Variants in TEAD2 observed in about 807,000 individuals in gnomAD.
TEAD2 encodes the protein transcriptional enhancer factor TEF-4.
In TEAD2, 51 loss-of-function variants were observed where a neutral mutation model predicts 61.4. The observed-to-expected ratio is 0.83, with a 90% confidence interval of 0.66 to 1.05. The LOEUF (loss-of-function observed/expected upper bound fraction) is 1.05. Among genes scored for constraint, TEAD2 ranks in the 50% least tolerant of loss-of-function variants. TEAD2 has a pLI of 0.00. For missense variants in TEAD2, 509 were observed against 600.0 expected (o/e 0.85, Z 1.58); for synonymous variants, 244 against 243.2 (o/e 1.00, Z -0.03).
In TEAD2 at chr19:49,342,580, G is replaced by T; in HGVS notation, c.1100C>A (p.Ala367Asp). 1 of 1,612,704 alleles carries T rather than the reference G, an allele frequency of 6.2e-7. No homozygotes were observed. Among genetic ancestry groups the T allele is most frequent in the South Asian group, 1.1e-5 (1 of 91,048 alleles). ...QVVEKVETERAQLEDGRFVYR... is the reference protein window; with the variant it reads ...QVVEKVETERDQLEDGRFVYR... ...CACAAATCTGCCGTCCTCCAGCTGG[G>T]CCCGTTCCGTCTGAACCAAGGGGAA... The change falls in exon 12 of 13, where the codon GCC (alanine) becomes GAC (aspartate). Residue 367 changes from alanine (A) to aspartate (D), a missense_variant. Transcript: ENST00000593945.
intron 10 of TEAD2, among the ~76,000 whole-genome samples, chr19:49,345,956 G>T (rs1208634152): frequency 6.6e-6 from 1 of 151,880 alleles, no homozygotes; most frequent in Non-Finnish European, 1.5e-5. Context: ...CATGAGGTCA[G>T]GAGTTCAAGA....
At chr19:49,349,614 G>A (rs1239775452) in intron 8 of TEAD2, among the ~76,000 whole-genome samples, 1 of 152,104 alleles carries the variant, frequency 6.6e-6, no homozygotes. Context: ...TGAGCTGGCT[G>A]TTTAAAGGAG....
At chr19:49,361,553 C>G (rs1166392361) in intron 1 of TEAD2, 1 of 152,252 alleles carries the variant, frequency 6.6e-6, no homozygotes. Flanking sequence ...CAACCCCCAT[C>G]AGGGGAGGGG....
chr19:49,347,076 G>T (rs1470246921), intron 10 of TEAD2, 114 bp downstream of exon 10: 2 of 1,377,768 alleles, frequency 1.5e-6, no homozygotes, highest in Non-Finnish European at 2.0e-6. Flanking sequence ...AGGACTGACT[G>T]GTAAGTCCCA....
Position 49,359,162 on chromosome 19 carries a change from C to T in TEAD2, c.297+273G>A, listed in dbSNP as rs1232647495. Reference sequence around the variant, plus strand: ...CTGAGACAGGAGAATTGCTTGAACCCGGGAGGCAGAGGTTGCAGTGAGCCA... The same window carrying T: ...CTGAGACAGGAGAATTGCTTGAACCTGGGAGGCAGAGGTTGCAGTGAGCCA... On this transcript the variant is annotated intron_variant, in intron 3 of 12. Transcript: ENST00000593945. The surrounding 1 kb of genome is among the most constrained non-coding windows in gnomAD (Gnocchi z 4.1). 2 of 382,736 alleles carry T rather than the reference C, an allele frequency of 5.2e-6. No homozygotes were observed. The highest frequency in any genetic ancestry group is 2.1e-5 in the African/African-American group (1 of 48,548). The allele number at this position is 382,736 out of a possible 1,614,324, so 23.7% of individuals were successfully genotyped here.
chr19:49,349,936 C>CA (rs146843928), intron 8 of TEAD2, among the ~76,000 whole-genome samples: 2,644 of 152,304 alleles, frequency 0.017, 73 homozygotes, highest in African/African-American at 0.054. Flanking sequence ...GCTAAGCCCA[C>CA]ACGGGAACAG....
Position 49,359,026 on chromosome 19 carries a change from G to A in TEAD2, c.297+409C>T, listed in dbSNP as rs1478688008. On this transcript the variant is annotated intron_variant, in intron 3 of 12. Coordinates refer to ENST00000593945, the MANE Select transcript of TEAD2 (RefSeq NM_001256660.2). This position sits in a 1 kb window ranked among gnomAD's most constrained non-coding sequence, Gnocchi z 4.1. ...GGCTGAGGTGAGTGGATCACCTGAG[G>A]TCAGGAGTTCGAGACCAGCCTGGAC... Among the ~76,000 whole-genome samples, 2 of 151,836 alleles carry A rather than the reference G, an allele frequency of 1.3e-5. No individual in the cohort carries two copies. Among genetic ancestry groups the A allele is most frequent in the South Asian group, 2.1e-4 (1 of 4,776 alleles).
intron 10 of TEAD2, among the ~76,000 whole-genome samples, chr19:49,346,185 AC>A (rs372594502): frequency 0.18 from 26,667 of 146,558 alleles, 3,007 homozygotes; most frequent in Non-Finnish European, 0.24. Flanking sequence ...AAAAAAAAAA[AC>A]AATAAAAGAA....
At chr19:49,349,086 A>G in intron 8 of TEAD2, 2 of 406,982 alleles carry the variant, frequency 4.9e-6, no homozygotes, top group Non-Finnish European at 8.5e-6. Flanking sequence ...GAACTTTGGG[A>G]GGAGAAAGCT....
At chr19:49,345,582 G>A (rs1971577300) in intron 10 of TEAD2, among the ~76,000 whole-genome samples, 1 of 152,076 alleles carries the variant, frequency 6.6e-6, no homozygotes, top group African/African-American at 2.4e-5. Context: ...TCAAACTCTT[G>A]AACACAAGCG....
rs987939104 is a variant in TEAD2, at chr19:49,341,608, C to T, written c.1243-171G>A. On this transcript the variant is annotated intron_variant, in intron 12 of 12. Transcript: ENST00000593945. This position sits in a 1 kb window ranked among gnomAD's most constrained non-coding sequence, Gnocchi z 4.2. Reference sequence around the variant, plus strand: ...GAAAGGGATGCCCAAAAGTCAGTTCCCTGGGCAATGGGGGTTACCCCTCAG... The same window carrying T: ...GAAAGGGATGCCCAAAAGTCAGTTCTCTGGGCAATGGGGGTTACCCCTCAG... 5.3e-5 allele frequency among the ~76,000 whole-genome samples: 8 copies of T among 152,138 alleles called. No homozygotes were observed. Among genetic ancestry groups the T allele is most frequent in the African/African-American group, 1.9e-4 (8 of 41,422 alleles).
At chr19:49,343,117 A>C (rs1321710627) in intron 11 of TEAD2, 114 bp downstream of exon 11, 13 of 1,282,414 alleles carry the variant, frequency 1.0e-5, no homozygotes, top group Non-Finnish European at 1.4e-5. Context: ...AAACCCTCAA[A>C]GAGGCTGGGA....
At position 49,343,364 on chromosome 19, in the gene TEAD2, G is replaced by T. The variant is rs1459572503; in HGVS notation, c.956C>A (p.Ala319Glu). ...ACTGCTGATGCTGCCACCGGCCCCT[G>T]CCTCCTCACCACTTGGGCCCCAGTT... ...DLNWGPSGEE[A>E]GAGGSISSGG... Residue 319 changes from alanine to glutamate, a missense_variant, in exon 11 of 13, where the codon GCA becomes GAA. Physicochemically the swap from Ala to Glu is moderately radical, Grantham distance 107 (BLOSUM62 -1). Coordinates refer to ENST00000593945, the MANE Select transcript of TEAD2 (RefSeq NM_001256660.2). 1 of 1,612,390 alleles carries T rather than the reference G, an allele frequency of 6.2e-7. No individual in the cohort carries two copies. The highest frequency in any genetic ancestry group is 1.7e-5 in the Admixed American group (1 of 59,876).
intron 10 of TEAD2, among the ~76,000 whole-genome samples, chr19:49,343,664 G>A (rs1487552544): frequency 2.0e-5 from 3 of 151,494 alleles, no homozygotes; most frequent in Non-Finnish European, 4.4e-5. Context: ...CTTGAACCCG[G>A]GAGGCAGAGG....
chr19:49,359,307 C>T lies in TEAD2; in HGVS notation c.297+128G>A. 6.3e-6 allele frequency: 5 copies of T among 792,486 alleles called. No homozygotes were observed. Among genetic ancestry groups the T allele is most frequent in the Non-Finnish European group, 1.1e-5 (5 of 458,190 alleles). 49.1% of individuals were successfully genotyped at this position (792,486 alleles called of 1,614,324 possible). ...TTATAGCAATACAAACGGACTAACA[C>T]ACATGCCGAGAAGACAGATGAACGC... On this transcript the variant is annotated intron_variant, in intron 3 of 12. Coordinates refer to ENST00000593945, the MANE Select transcript of TEAD2 (RefSeq NM_001256660.2). This position sits in a 1 kb window ranked among gnomAD's most constrained non-coding sequence, Gnocchi z 4.1.
At chr19:49,348,334 G>T (rs991575424) in intron 9 of TEAD2, among the ~76,000 whole-genome samples, 1 of 152,214 alleles carries the variant, frequency 6.6e-6, no homozygotes, top group African/African-American at 2.4e-5. Flanking sequence ...CAAGTTCCTA[G>T]TATGCATCAC....
chr19:49,359,701 C>A lies in TEAD2; in HGVS notation c.232+143G>T. 9.4e-7 allele frequency: 1 copy of A among 1,061,814 alleles called. No individual in the cohort carries two copies. The highest frequency in any genetic ancestry group is 1.4e-6 in the Non-Finnish European group (1 of 718,174). The allele number at this position is 1,061,814 out of a possible 1,614,324, so 65.8% of individuals were successfully genotyped here. A position where few individuals can be genotyped will look rare whatever the true frequency, so the allele number is the denominator to read the frequency against. On this transcript the variant is annotated intron_variant, in intron 2 of 12. Transcript: ENST00000593945. The surrounding 1 kb of genome is among the most constrained non-coding windows in gnomAD (Gnocchi z 4.1). ...CGCACTGGCTCTGTGCGACCATAAG[C>A]AAATCACTTAACCTAGCTGTGCCTC...
chr19:49,359,946 C>A lies in TEAD2; in HGVS notation c.130G>T (p.Val44Leu), dbSNP rs1209177324. 3 of 1,611,902 alleles carry A rather than the reference C, an allele frequency of 1.9e-6. No homozygotes were observed. The highest frequency in any genetic ancestry group is 1.7e-5 in the Admixed American group (1 of 60,002). The change falls in exon 2 of 13, where the codon GTG (valine) becomes TTG (leucine). Residue 44 changes from valine (V) to leucine (L), a missense_variant. Val to Leu is a conservative substitution (Grantham distance 32, BLOSUM62 1). Transcript: ENST00000593945. This position sits in a 1 kb window ranked among gnomAD's most constrained non-coding sequence, Gnocchi z 4.1. ...CTCTGCTCAATGTCTGGGCTCCACA[C>A]CCCCTCTGCATCCGGGCCCCCGTCA... is the stretch of plus-strand genomic sequence containing the variant. ...GGDGGPDAEGVWSPDIEQSFQ... is the reference protein window; with the variant it reads ...GGDGGPDAEGLWSPDIEQSFQ...
rs1168283990 is a variant in TEAD2 at position 49,347,338 on chromosome 19, A to G, written c.773T>C (p.Ile258Thr). The G allele has an allele frequency of 3.1e-6, 5 of 1,611,426 alleles. No homozygotes were observed. The highest frequency in any genetic ancestry group is 3.4e-6 in the Non-Finnish European group (4 of 1,179,968). ...DSYQRHLFVH[I>T]SQHCPSPGAP... ...TCCGGGGCTGGGGCAGTGCTGGCTG[A>G]TGTGCACGAACAGGTGCCTCTGGTA... Residue 258 changes from isoleucine (I) to threonine (T), a missense_variant, in exon 10 of 13, where the codon ATC becomes ACC. Coordinates refer to ENST00000593945, the MANE Select transcript of TEAD2 (RefSeq NM_001256660.2).
Sources: allele counts gnomAD v4.1 joint callset (sites outside exome capture counted in the v4.1 genomes callset), GRCh38; gene constraint gnomAD v4.1.1; non-coding constraint Gnocchi (gnomAD v3.1); transcripts MANE v1.5; gene names NCBI Gene and HGNC (gene_info 2026-07-23, HGNC 2026-07-21).